Variants in ARHGEF16 observed in about 807,000 individuals in gnomAD.
ARHGEF16 encodes Rho guanine exchange factor (GEF) 16.
In ARHGEF16, 59 loss-of-function variants were observed where a neutral mutation model predicts 74.1. That is an observed-to-expected ratio of 0.80 (90% CI 0.65 to 0.99). The LOEUF (loss-of-function observed/expected upper bound fraction) is 0.99, where lower values mean the gene tolerates loss of function less well. ARHGEF16 is among the 50% of genes least tolerant of loss of function. The pLI is 0.00. For synonymous variants in ARHGEF16, 415 were observed against 412.6 expected (o/e 1.01, Z -0.07); for missense variants, 948 against 986.6 (o/e 0.96, Z 0.52).
rs541197594 is a variant in ARHGEF16 at position 3,472,058 on chromosome 1, C to T, written c.1023-1020C>T. On this transcript the variant is annotated intron_variant, in intron 6 of 14. Coordinates refer to ENST00000378378, the MANE Select transcript of ARHGEF16 (RefSeq NM_014448.4). ...GTGGGTGGCAGGCCCAGTCGGGCCCCGTGAGCAGAGGAGGAGGGACTCCCG... is the reference window on the plus strand; with the variant it reads ...GTGGGTGGCAGGCCCAGTCGGGCCCTGTGAGCAGAGGAGGAGGGACTCCCG... Among the ~76,000 whole-genome samples the T allele has an allele frequency of 8.2e-3, 1,252 of 152,298 alleles. 16 individuals are homozygous for T. Among genetic ancestry groups the T allele is most frequent in the African/African-American group, 0.029 (1,198 of 41,572 alleles).
rs934309487 is a variant in ARHGEF16 at position 3,477,533 on chromosome 1, C to T, written c.1474-342C>T. On this transcript the variant is annotated intron_variant, in intron 10 of 14. Transcript: ENST00000378378. Reference sequence around the variant, plus strand: ...AGGTCCTTGTGCCTAGGAGGCCCAGCGTCTGCGTAATTGCCACGGAGGGGT... The same window carrying T: ...AGGTCCTTGTGCCTAGGAGGCCCAGTGTCTGCGTAATTGCCACGGAGGGGT... 6.0e-5 allele frequency among the ~76,000 whole-genome samples: 9 copies of T among 150,846 alleles called. No homozygotes were observed. In the South Asian group the frequency reaches 1.7e-3, roughly 28 times the overall value.
At chr1:3,459,001 G>A (rs781757379) in intron 1 of ARHGEF16, among the ~76,000 whole-genome samples, 2 of 152,174 alleles carry the variant, frequency 1.3e-5, no homozygotes, top group Non-Finnish European at 2.9e-5. Flanking sequence ...AAACACCAGA[G>A]CTTAATACTC....
At chr1:3,470,898 C>T (rs1309292751) in intron 6 of ARHGEF16, among the ~76,000 whole-genome samples, 1 of 105,218 alleles carries the variant, frequency 9.5e-6, no homozygotes, top group South Asian at 3.2e-4. Context: ...GTGTGTGTGC[C>T]TGGCCAGGGG....
intron 4 of ARHGEF16, 36 bp downstream of exon 4, chr1:3,467,373 G>A (rs1215936146): frequency 6.5e-7 from 1 of 1,529,368 alleles, no homozygotes; most frequent in African/African-American, 1.4e-5. Context: ...GCCCCACAGA[G>A]GCAGGGAGAA....
At chr1:3,455,500 C>T (rs1462278558) in intron 1 of ARHGEF16, among the ~76,000 whole-genome samples, 1 of 152,042 alleles carries the variant, frequency 6.6e-6, no homozygotes, top group African/African-American at 2.4e-5. Flanking sequence ...CCTCTTTCTG[C>T]GTCTGTGAAA....
chr1:3,464,600 T>C (rs1374259051), intron 2 of ARHGEF16, among the ~76,000 whole-genome samples: 2 of 152,132 alleles, frequency 1.3e-5, no homozygotes, highest in East Asian at 3.9e-4. Flanking sequence ...GGCGTCCTTC[T>C]TGTTGGGCGC....
At chr1:3,470,166 CAGT>C (rs1370316692) in intron 6 of ARHGEF16, among the ~76,000 whole-genome samples, 3 of 145,508 alleles carry the variant, frequency 2.1e-5, no homozygotes, top group Admixed American at 6.8e-5. Flanking sequence ...TGTGCATGGT[CAGT>C]GGTGTGTGTG....
chr1:3,474,599 G>A, intron 8 of ARHGEF16, 109 bp from the exon 9 acceptor site: 1 of 1,024,796 alleles, frequency 9.8e-7, no homozygotes, highest in Non-Finnish European at 1.5e-6. Context: ...GCCCCCTGGG[G>A]GCAGCTGTTG....
chr1:3,461,883 A>G (rs934344437), intron 1 of ARHGEF16, among the ~76,000 whole-genome samples: 1 of 152,138 alleles, frequency 6.6e-6, no homozygotes, highest in Non-Finnish European at 1.5e-5. Context: ...CCACATTCCT[A>G]CCTGGCAGGC....
rs569351799 is a variant in ARHGEF16, at chr1:3,463,237, G to T, written c.153G>T (p.Gln51His). 1 of 1,547,720 alleles carries T rather than the reference G, an allele frequency of 6.5e-7. No individual in the cohort carries two copies. Among genetic ancestry groups the T allele is most frequent in the Admixed American group, 2.0e-5 (1 of 50,904 alleles). ...GTGTTAGAGACGATGCCGCCTTCCA[G>T]CCCCAGGTCCCGGCACCCCCACAGC... ...SPRVRDDAAF[Q>H]PQVPAPPQPR... The change falls in exon 2 of 15, where the codon CAG (glutamine) becomes CAT (histidine). Residue 51 changes from glutamine (Q) to histidine (H), a missense_variant. By Grantham distance (24) the Gln-to-His change is conservative. Transcript: ENST00000378378.
chr1:3,458,617 C>T (rs947352), intron 1 of ARHGEF16, among the ~76,000 whole-genome samples: 10,151 of 152,272 alleles, frequency 0.067, 566 homozygotes, highest in East Asian at 0.21. Context: ...TTGGACCTCC[C>T]GCCATCATAA....
rs746713172 is a variant in ARHGEF16 at position 3,463,273 on chromosome 1, G to A, written c.189G>A (p.Pro63=). 20 of 1,549,766 alleles carry A rather than the reference G, an allele frequency of 1.3e-5. No homozygotes were observed. The highest frequency in any genetic ancestry group is 1.6e-5 in the Non-Finnish European group (18 of 1,146,668). The change falls in exon 2 of 15, where the codon CCG becomes CCA. Residue 63 remains proline, a synonymous_variant. Transcript: ENST00000378378. ...QVPAPPQPRP[P]GHEEPWPIVL... is the part of the protein sequence containing the mutation. ...CGGCACCCCCACAGCCTCGGCCCCC[G>A]GGGCACGAGGAGCCATGGCCCATCG...
At chr1:3,456,444 G>A (rs1445481981) in intron 1 of ARHGEF16, among the ~76,000 whole-genome samples, 1 of 152,328 alleles carries the variant, frequency 6.6e-6, no homozygotes, top group East Asian at 1.9e-4. Context: ...CATCCGTCTG[G>A]AGCAGCGTCC....
intron 1 of ARHGEF16, among the ~76,000 whole-genome samples, chr1:3,462,128 A>G (rs1392617753): frequency 6.6e-6 from 1 of 151,290 alleles, no homozygotes; most frequent in Non-Finnish European, 1.5e-5. Flanking sequence ...GGGTGTGGGG[A>G]TCGGGCTACA....
At position 3,476,030 on chromosome 1, in the gene ARHGEF16, C is replaced by T; in HGVS notation, c.1441C>T (p.Leu481=). Residue 481 remains leucine (L), a synonymous_variant, in exon 10 of 15, where the codon CTG becomes TTG. Transcript: ENST00000378378. The part of the protein sequence containing the change: ...RMERMEQMYT[L]HTQLDFSKVK... ...GGAGCGCATGGAGCAGATGTACACG[C>T]TGCACACACAGCTGGACTTCAGCAA... The T allele has an allele frequency of 1.3e-6, 2 of 1,556,490 alleles. No individual in the cohort carries two copies. The highest frequency in any genetic ancestry group is 1.7e-6 in the Non-Finnish European group (2 of 1,150,106).
chr1:3,464,758 G>A (rs746498257), intron 2 of ARHGEF16, among the ~76,000 whole-genome samples: 32 of 152,310 alleles, frequency 2.1e-4, no homozygotes, highest in East Asian at 1.9e-4. Flanking sequence ...GATCACAGCC[G>A]CCCTCTGGGC....
intron 10 of ARHGEF16, among the ~76,000 whole-genome samples, chr1:3,477,595 G>A (rs890841723): frequency 4.0e-5 from 6 of 151,632 alleles, no homozygotes; most frequent in African/African-American, 9.7e-5. Context: ...ACTGGCCTTC[G>A]AGTCCTGGCT....
rs1477633576 is a variant in ARHGEF16 at position 3,468,796 on chromosome 1, C to A, written c.805-84C>A. On this transcript the variant is annotated intron_variant, in intron 4 of 14. Coordinates refer to ENST00000378378, the MANE Select transcript of ARHGEF16 (RefSeq NM_014448.4). ...GGTGGCTGTCCATGTTGGCCCTGGT[C>A]CATCAGGAGGAGGAAAGAAGGGAGA... The A allele has an allele frequency of 2.2e-5, 33 of 1,484,392 alleles. No individual in the cohort carries two copies. In the East Asian group the frequency reaches 6.4e-4, roughly 29 times the overall value. 92.0% of individuals were successfully genotyped at this position (1,484,392 alleles called of 1,614,324 possible).
chr1:3,469,345 G>T, intron 5 of ARHGEF16, 88 bp from the exon 6 acceptor site: 1 of 1,497,922 alleles, frequency 6.7e-7, no homozygotes, highest in Non-Finnish European at 9.1e-7. Flanking sequence ...CTGCCACCCG[G>T]GTCACGTCCT....
Sources: gnomAD v4.1 joint callset for allele counts (sites outside exome capture counted in the v4.1 genomes callset) on GRCh38, gnomAD v4.1.1 for gene constraint, MANE v1.5 for transcripts, NCBI Gene and HGNC (gene_info 2026-07-23, HGNC 2026-07-21) for gene names.